AUTS2: variants seen among roughly 807,000 people sequenced by gnomAD.
AUTS2 encodes autism susceptibility gene 2 protein.
AUTS2 carries 17 observed loss-of-function variants against 112.4 expected under a neutral mutation model. That is an observed-to-expected ratio of 0.15 (90% CI 0.10 to 0.23). The LOEUF (loss-of-function observed/expected upper bound fraction) is 0.23. Among genes scored for constraint, AUTS2 ranks in the 10% least tolerant of loss-of-function variants. AUTS2 has a pLI of 1.00. For synonymous variants in AUTS2, 751 were observed against 702.7 expected (o/e 1.07, Z -1.09); for missense variants, 1,510 against 1,701.6 (o/e 0.89, Z 1.98).
At chr7:69,730,608 A>G (rs1046006209) in intron 1 of AUTS2, among the ~76,000 whole-genome samples, 9 of 152,196 alleles carry the variant, frequency 5.9e-5, no homozygotes, top group South Asian at 2.1e-4. Context: ...TTGCTCATCT[A>G]TAAAGCTGGG....
At chr7:70,310,102 T>G (rs1469186686) in intron 4 of AUTS2, among the ~76,000 whole-genome samples, 1 of 152,010 alleles carries the variant, frequency 6.6e-6, no homozygotes, top group Admixed American at 6.6e-5. Flanking sequence ...CTGATTGAAA[T>G]GTGGTAAAGG....
At chr7:69,957,135 A>G (rs1797247553) in intron 2 of AUTS2, among the ~76,000 whole-genome samples, 1 of 145,220 alleles carries the variant, frequency 6.9e-6, no homozygotes, top group Non-Finnish European at 1.5e-5. Flanking sequence ...CTTGGCCCCC[A>G]GAAGTTCTGG....
chr7:70,117,255 T>C (rs1454449342), intron 2 of AUTS2, among the ~76,000 whole-genome samples: 1 of 152,018 alleles, frequency 6.6e-6, no homozygotes, highest in African/African-American at 2.4e-5. Flanking sequence ...TAGGTCTTCA[T>C]TGGTTCTTTT....
intron 2 of AUTS2, among the ~76,000 whole-genome samples, chr7:69,972,106 G>A (rs1466662401): frequency 6.6e-6 from 1 of 152,120 alleles, no homozygotes; most frequent in African/African-American, 2.4e-5. Flanking sequence ...TGATGTTGGT[G>A]GTGTTTCTGG....
At chr7:70,655,595 G>A (rs1471283090) in intron 5 of AUTS2, among the ~76,000 whole-genome samples, 1 of 152,166 alleles carries the variant, frequency 6.6e-6, no homozygotes, top group Non-Finnish European at 1.5e-5. Context: ...TTTGAGCAGG[G>A]GACATTTTTC....
intron 4 of AUTS2, among the ~76,000 whole-genome samples, chr7:70,217,166 A>T (rs1354613496): frequency 1.3e-5 from 2 of 152,198 alleles, no homozygotes; most frequent in African/African-American, 4.8e-5. Flanking sequence ...GAATAAAATC[A>T]CAGAGAAGAA....
chr7:70,303,434 G>GCACGCACACACA (rs1554361425), intron 4 of AUTS2, among the ~76,000 whole-genome samples: 1 of 142,052 alleles, frequency 7.0e-6, no homozygotes, highest in Non-Finnish European at 1.6e-5. Flanking sequence ...GCGCGCGCGC[G>GCACGCACACACA]CACATACACA....
chr7:70,262,531 TAAAGA>T (rs2129607426), intron 4 of AUTS2, among the ~76,000 whole-genome samples: 1 of 152,282 alleles, frequency 6.6e-6, no homozygotes, highest in East Asian at 1.9e-4. Context: ...TATATCAAAG[TAAAGA>T]AGAGGAACTG....
chr7:69,788,473 G>T (rs375323290), intron 1 of AUTS2, among the ~76,000 whole-genome samples: 2 of 152,120 alleles, frequency 1.3e-5, no homozygotes, highest in East Asian at 3.8e-4. Flanking sequence ...TGTGAAGTCT[G>T]GGCAGGCTTC....
chr7:70,004,641 G>A (rs1310930349), intron 2 of AUTS2, among the ~76,000 whole-genome samples: 4 of 151,102 alleles, frequency 2.6e-5, no homozygotes, highest in Non-Finnish European at 4.4e-5. Context: ...GAATCATTGA[G>A]TTTTGGCCGA....
At chr7:70,130,138 G>T (rs1806196713) in intron 3 of AUTS2, among the ~76,000 whole-genome samples, 1 of 152,122 alleles carries the variant, frequency 6.6e-6, no homozygotes, top group Admixed American at 6.6e-5. Flanking sequence ...AGCCAGGAAT[G>T]TTGAACACAA....
At chr7:69,798,850 G>A (rs1447650848) in intron 1 of AUTS2, among the ~76,000 whole-genome samples, 3 of 151,986 alleles carry the variant, frequency 2.0e-5, no homozygotes, top group African/African-American at 7.3e-5. Context: ...TTTTAGCTGG[G>A]TGTGATGGTG....
chr7:69,610,669 T>C (rs887981244), intron 1 of AUTS2, among the ~76,000 whole-genome samples: 3 of 152,162 alleles, frequency 2.0e-5, no homozygotes, highest in African/African-American at 7.2e-5. Flanking sequence ...TAATTGGTGG[T>C]GATTTGAATA....
chr7:70,385,284 G>A (rs975638551), intron 4 of AUTS2, among the ~76,000 whole-genome samples: 12 of 152,178 alleles, frequency 7.9e-5, no homozygotes, highest in Non-Finnish European at 1.6e-4. Flanking sequence ...AAGAAAGGAA[G>A]ATGTTCATTC....
chr7:70,236,703 T>C (rs569468643), intron 4 of AUTS2, among the ~76,000 whole-genome samples: 1 of 152,328 alleles, frequency 6.6e-6, no homozygotes, highest in East Asian at 1.9e-4. Context: ...GTCTAAACAA[T>C]TTTTGGCAAG....
chr7:69,898,191 A>G (rs368891531), intron 1 of AUTS2, among the ~76,000 whole-genome samples: 4 of 152,152 alleles, frequency 2.6e-5, no homozygotes, highest in South Asian at 2.1e-4. Flanking sequence ...TATGCCGACT[A>G]TGTACCCCAG....
chr7:70,059,706 A>G (rs1465185243), intron 2 of AUTS2, among the ~76,000 whole-genome samples: 1 of 152,124 alleles, frequency 6.6e-6, no homozygotes, highest in Non-Finnish European at 1.5e-5. Context: ...ATTGGAGTTC[A>G]TGGTAAATGT....
At position 70,545,313 on chromosome 7, in the gene AUTS2, C is replaced by T. The variant is rs1419034062; in HGVS notation, c.690+109532C>T. ...TTTTGGACGCAAAGCAGCTGGGCTG[C>T]GGGCATGCTGTAAGGACAGAGGACC... On this transcript the variant is annotated intron_variant, in intron 5 of 18. Transcript: ENST00000342771. Among the ~76,000 whole-genome samples the T allele has an allele frequency of 4.6e-5, 7 of 152,164 alleles. No individual in the cohort carries two copies. In the South Asian group the frequency reaches 8.3e-4, roughly 18 times the overall value.
intron 5 of AUTS2, among the ~76,000 whole-genome samples, chr7:70,562,554 C>T (rs1490174920): frequency 2.0e-5 from 3 of 152,194 alleles, no homozygotes; most frequent in Non-Finnish European, 2.9e-5. Flanking sequence ...GTTTCATTTA[C>T]ATACCTCTAG....
Sources: allele counts gnomAD v4.1 joint callset (sites outside exome capture counted in the v4.1 genomes callset), GRCh38; gene constraint gnomAD v4.1.1; transcripts MANE v1.5; gene names NCBI Gene and HGNC (gene_info 2026-07-23, HGNC 2026-07-21).